LAMC3: variants seen among roughly 807,000 people sequenced by gnomAD.
LAMC3 encodes laminin subunit gamma 3.
LAMC3 carries 128 observed loss-of-function variants against 173.8 expected under a neutral mutation model. That is an observed-to-expected ratio of 0.74 (90% CI 0.64 to 0.85). The LOEUF (loss-of-function observed/expected upper bound fraction) is 0.85, where lower values mean the gene tolerates loss of function less well. Ranked by LOEUF, LAMC3 falls within the 40% of genes least tolerant of loss-of-function variation. LAMC3 has a pLI of 0.00. For synonymous variants in LAMC3, 897 were observed against 909.1 expected, an observed-to-expected ratio of 0.99 and a Z score of 0.24; for missense variants, 2,022 against 2,156.0, an observed-to-expected ratio of 0.94 and a Z score of 1.23.
At chr9:131,053,150 A>G (rs991547427) in intron 11 of LAMC3, among the ~76,000 whole-genome samples, 185 bp downstream of exon 11, 12 of 152,214 alleles carry the variant, frequency 7.9e-5, no homozygotes, top group African/African-American at 2.7e-4. Context: ...TGTGAAGGCA[A>G]TGGGGATGGT....
At chr9:131,057,563 G>A (rs1334744772) in intron 12 of LAMC3, among the ~76,000 whole-genome samples, 1 of 152,188 alleles carries the variant, frequency 6.6e-6, no homozygotes, top group Non-Finnish European at 1.5e-5. Context: ...GGGTTCTCAA[G>A]AAGGTCACAC....
Position 131,067,225 on chromosome 9 carries a change from C to T in LAMC3, c.2593+20C>T. 1.2e-6 allele frequency: 2 copies of T among 1,612,314 alleles called. No individual in the cohort carries two copies. The highest frequency in any genetic ancestry group is 1.7e-6 in the Non-Finnish European group (2 of 1,179,204). Reference sequence around the variant, plus strand: ...GCATGCGTGAGTACCTACCTCCAGACCCCAGGGTGGCACATGGTGGGCCCC... The same window carrying T: ...GCATGCGTGAGTACCTACCTCCAGATCCCAGGGTGGCACATGGTGGGCCCC... On this transcript the variant is annotated intron_variant, in intron 14 of 27. Coordinates refer to ENST00000361069, the MANE Select transcript of LAMC3 (RefSeq NM_006059.4).
At chr9:131,077,150 T>C in intron 21 of LAMC3, 37 bp from the exon 22 acceptor site, 1 of 1,611,240 alleles carries the variant, frequency 6.2e-7, no homozygotes, top group African/African-American at 1.3e-5. Context: ...GGAGGGCTAG[T>C]TCTGCACCCA....
chr9:131,085,631 G>T lies in LAMC3; in HGVS notation c.4138G>T (p.Ala1380Ser). The T allele has an allele frequency of 6.2e-7, 1 of 1,614,170 alleles. No individual in the cohort carries two copies. Among genetic ancestry groups the T allele is most frequent in the South Asian group, 1.1e-5 (1 of 91,090 alleles). The change falls in exon 25 of 28, where the codon GCG (alanine) becomes TCG (serine). Residue 1380 changes from alanine (A) to serine (S), a missense_variant. Coordinates refer to ENST00000361069, the MANE Select transcript of LAMC3 (RefSeq NM_006059.4). Reference protein sequence around the residue: ...LADTRKKTKQAERMLGNAAPL... With the variant: ...LADTRKKTKQSERMLGNAAPL... ...AGACACGAGAAAGAAGACCAAGCAGGCGGAGAGGATGCTGGGAAACGCGGC... is the reference window on the plus strand; with the variant it reads ...AGACACGAGAAAGAAGACCAAGCAGTCGGAGAGGATGCTGGGAAACGCGGC...
intron 3 of LAMC3, among the ~76,000 whole-genome samples, chr9:131,032,511 T>G (rs557004480): frequency 2.1e-3 from 320 of 149,824 alleles, no homozygotes; most frequent in Non-Finnish European, 3.5e-3. Context: ...TCACTCGCTC[T>G]CTCTCTCTTG....
intron 24 of LAMC3, among the ~76,000 whole-genome samples, chr9:131,085,165 G>A (rs776941072): frequency 1.1e-4 from 17 of 152,082 alleles, no homozygotes; most frequent in Non-Finnish European, 2.1e-4. Flanking sequence ...CTGCCTTAAA[G>A]CATTGTTTAG....
chr9:131,045,946 G>A lies in LAMC3; in HGVS notation c.1519+286G>A, dbSNP rs11244257. Among the ~76,000 whole-genome samples, 29,765 of 152,120 alleles carry A rather than the reference G, an allele frequency of 0.2. 3,588 individuals are homozygous for A. The highest frequency in any genetic ancestry group is 0.26 in the Admixed American group (3,904 of 15,270). ...TGTAGGGGAATTTCCCACTCACCCC[G>A]TTGAGACTGGCCTCCCTTGGTGTGT... On this transcript the variant is annotated intron_variant, in intron 8 of 27. Coordinates refer to ENST00000361069, the MANE Select transcript of LAMC3 (RefSeq NM_006059.4).
At chr9:131,031,285 G>A (rs926416607) in intron 2 of LAMC3, among the ~76,000 whole-genome samples, 3 of 152,250 alleles carry the variant, frequency 2.0e-5, no homozygotes, top group African/African-American at 7.2e-5. Context: ...AGGTGAAAAT[G>A]TCAGTCTTCA....
rs575599614 is a variant in LAMC3 at position 131,017,176 on chromosome 9, G to A, written c.373+7589G>A. Among the ~76,000 whole-genome samples, 96 of 152,302 alleles carry A rather than the reference G, an allele frequency of 6.3e-4. 1 individual carries two copies. The Middle Eastern group carries it at 0.01, about 16-fold the overall frequency. Reference sequence around the variant, plus strand: ...ATTCGCTAAAGGATGCTGTGCGCGGGCTGCTGCGGGTCACCGGCGCAGACT... The same window carrying A: ...ATTCGCTAAAGGATGCTGTGCGCGGACTGCTGCGGGTCACCGGCGCAGACT... On this transcript the variant is annotated intron_variant, in intron 1 of 27. Coordinates refer to ENST00000361069, the MANE Select transcript of LAMC3 (RefSeq NM_006059.4).
At position 131,047,165 on chromosome 9, in the gene LAMC3, C is replaced by CTTTTTTTTTTTTTTTTTTTTTTT. The variant is rs398012456; in HGVS notation, c.1519+1522_1519+1523insTTTTTTTTTTTTTTTTTTTTTTT. On this transcript the variant is annotated intron_variant, in intron 8 of 27. Coordinates refer to ENST00000361069, the MANE Select transcript of LAMC3 (RefSeq NM_006059.4). The stretch of plus-strand genomic sequence containing the variant: ...AAAACTTTTTGGTCTCTGAATTCCT[C>CTTTTTTTTTTTTTTTTTTTTTTT]TTTTTTTTTTTTTTTTTAAGACGGA... 8.7e-3 allele frequency among the ~76,000 whole-genome samples: 883 copies of CTTTTTTTTTTTTTTTTTTTTTTT among 101,974 alleles called. 99 individuals are homozygous for CTTTTTTTTTTTTTTTTTTTTTTT. Among genetic ancestry groups the CTTTTTTTTTTTTTTTTTTTTTTT allele is most frequent in the East Asian group, 0.026 (86 of 3,356 alleles). The allele number at this position is 101,974 out of a possible 152,430, so 66.9% of individuals were successfully genotyped here.
At chr9:131,070,995 G>A (rs78980042) in intron 17 of LAMC3, among the ~76,000 whole-genome samples, 82 of 152,286 alleles carry the variant, frequency 5.4e-4, no homozygotes, top group African/African-American at 1.7e-3. Flanking sequence ...CACTTAGAGC[G>A]GTGACAGGAG....
intron 4 of LAMC3, among the ~76,000 whole-genome samples, chr9:131,036,778 G>A (rs942200269): frequency 3.9e-5 from 6 of 152,196 alleles, no homozygotes; most frequent in African/African-American, 7.2e-5. Flanking sequence ...TCAGAGAAGC[G>A]CTGGAGAGAG....
At chr9:131,033,848 C>T (rs1390313189) in intron 3 of LAMC3, among the ~76,000 whole-genome samples, 1 of 152,060 alleles carries the variant, frequency 6.6e-6, no homozygotes, top group Non-Finnish European at 1.5e-5. Flanking sequence ...TGGGCCTCCA[C>T]AGTTCAGAGG....
intron 1 of LAMC3, among the ~76,000 whole-genome samples, chr9:131,020,402 A>G (rs1266276381): frequency 6.6e-6 from 1 of 152,234 alleles, no homozygotes; most frequent in Non-Finnish European, 1.5e-5. Context: ...TGAACCAGGG[A>G]TAGGCTCCAT....
intron 12 of LAMC3, among the ~76,000 whole-genome samples, chr9:131,059,539 G>A (rs7856365): frequency 0.73 from 105,986 of 144,948 alleles, 39,278 homozygotes; most frequent in African/African-American, 0.84. Context: ...TGACCTAGCC[G>A]GGGAGGGCAA....
intron 6 of LAMC3, among the ~76,000 whole-genome samples, chr9:131,039,667 CTG>C (rs1264665613): frequency 1.3e-5 from 2 of 151,778 alleles, no homozygotes; most frequent in Non-Finnish European, 2.9e-5. Context: ...GGGGGTTTGA[CTG>C]TGGAGAGGGA....
chr9:131,091,956 C>A lies in LAMC3; in HGVS notation c.*169C>A, dbSNP rs1830436209. Reference sequence around the variant, plus strand: ...TGCCGATTCTGTCTGTGGCTTCTTCCCTGCCAGCAGGACTGAGTGTGCGTA... The same window carrying A: ...TGCCGATTCTGTCTGTGGCTTCTTCACTGCCAGCAGGACTGAGTGTGCGTA... On this transcript the variant is annotated 3_prime_UTR_variant, in exon 28 of 28. Transcript: ENST00000361069. 3.7e-6 allele frequency: 3 copies of A among 805,418 alleles called. No individual in the cohort carries two copies. Among genetic ancestry groups the A allele is most frequent in the East Asian group, 5.4e-5 (2 of 37,228 alleles). The allele number at this position is 805,418 out of a possible 1,614,324, so 49.9% of individuals were successfully genotyped here. A position where few individuals can be genotyped will look rare whatever the true frequency, so the allele number is the denominator to read the frequency against.
At position 131,087,393 on chromosome 9, in the gene LAMC3, C is replaced by T. The variant is rs549078742; in HGVS notation, c.4231-83C>T. On this transcript the variant is annotated intron_variant, in intron 25 of 27. Coordinates refer to ENST00000361069, the MANE Select transcript of LAMC3 (RefSeq NM_006059.4). ...CTGCCTGGTACAGACAACTGCTTGG[C>T]ATCATTGCCATAAGAGCTATTTACC... 9 of 1,518,992 alleles carry T rather than the reference C, an allele frequency of 5.9e-6. No individual in the cohort carries two copies. The East Asian group carries it at 9.0e-5, about 15-fold the overall frequency. 94.1% of individuals were successfully genotyped at this position (1,518,992 alleles called of 1,614,324 possible). A position where few individuals can be genotyped will look rare whatever the true frequency, so the allele number is the denominator to read the frequency against.
intron 3 of LAMC3, among the ~76,000 whole-genome samples, chr9:131,033,257 G>A (rs1047626696): frequency 6.6e-6 from 1 of 152,228 alleles, no homozygotes; most frequent in African/African-American, 2.4e-5. Flanking sequence ...CCACGTCAGT[G>A]TTTCTCAGGT....
Sources: gnomAD v4.1 joint callset for allele counts (sites outside exome capture counted in the v4.1 genomes callset) on GRCh38, gnomAD v4.1.1 for gene constraint, MANE v1.5 for transcripts, NCBI Gene and HGNC (gene_info 2026-07-23, HGNC 2026-07-21) for gene names.